The following DNA2 variants were observed in gnomAD, a reference collection of about 807,000 sequenced individuals.
DNA2 encodes DNA replication ATP-dependent helicase/nuclease DNA2.
In DNA2, 101 loss-of-function variants were observed where a neutral mutation model predicts 119.1. That is an observed-to-expected ratio of 0.85 (90% CI 0.72 to 1.00). The LOEUF (loss-of-function observed/expected upper bound fraction) is 1.00, where lower values mean the gene tolerates loss of function less well. Ranked by LOEUF, DNA2 falls within the 50% of genes least tolerant of loss-of-function variation. The pLI, the probability that DNA2 is intolerant of heterozygous loss-of-function variation, is 0.00. For missense variants in DNA2, 1,121 were observed against 1,255.5 expected (o/e 0.89, Z 1.62); for synonymous variants, 366 against 424.4 (o/e 0.86, Z 1.69).
chr10:68,469,103 AAGTT>A, intron 2 of DNA2, among the ~76,000 whole-genome samples: 1 of 152,156 alleles, frequency 6.6e-6, no homozygotes, highest in South Asian at 2.1e-4. Context: ...CGAAGAGTCA[AAGTT>A]AGACCTCTAG....
chr10:68,419,555 C>T, intron 18 of DNA2: 1 of 550,398 alleles, frequency 1.8e-6, no homozygotes. Flanking sequence ...CTAATCACTA[C>T]AACATAGTAT....
rs758012562 is a variant in DNA2, at chr10:68,446,305, C to T, written c.1048G>A (p.Asp350Asn). The change falls in exon 7 of 21, where the codon GAT becomes AAT. Residue 350 changes from aspartate (D) to asparagine (N), a missense_variant. By Grantham distance (23) the Asp-to-Asn change is conservative (BLOSUM62 1). Coordinates refer to ENST00000358410, the MANE Select transcript of DNA2 (RefSeq NM_001080449.3). ...QMYPVPANHL[D>N]KRELLKLRNQ... ...AAAAAAACGGCTCAACCTCTTTTAT[C>T]TAGATGGTTGGCAGGCACAGGGTAC... 6.4e-7 allele frequency: 1 copy of T among 1,573,904 alleles called. No homozygotes were observed. Among genetic ancestry groups the T allele is most frequent in the South Asian group, 1.2e-5 (1 of 83,942 alleles).
intron 5 of DNA2, among the ~76,000 whole-genome samples, chr10:68,456,881 T>C (rs1418151179): frequency 6.7e-6 from 1 of 149,920 alleles, no homozygotes; most frequent in Non-Finnish European, 1.5e-5. Context: ...ACGCCTGTAA[T>C]CCCAGCACTT....
At chr10:68,451,394 A>T (rs2133416271) in intron 5 of DNA2, among the ~76,000 whole-genome samples, 1 of 152,274 alleles carries the variant, frequency 6.6e-6, no homozygotes, top group East Asian at 1.9e-4. Flanking sequence ...GGAACATATA[A>T]ATGTTGAAGG....
chr10:68,456,334 C>G (rs755769567), intron 5 of DNA2, among the ~76,000 whole-genome samples: 1 of 152,156 alleles, frequency 6.6e-6, no homozygotes, highest in Non-Finnish European at 1.5e-5. Context: ...GGATTCACAT[C>G]CAGGCTCATT....
intron 5 of DNA2, among the ~76,000 whole-genome samples, chr10:68,455,712 T>TC (rs2052173468): frequency 6.6e-6 from 1 of 151,940 alleles, no homozygotes; most frequent in African/African-American, 2.4e-5. Context: ...TCCCAGCTAC[T>TC]CAGGGGGCTG....
chr10:68,436,648 T>C (rs1324221269), intron 10 of DNA2, among the ~76,000 whole-genome samples: 1 of 152,186 alleles, frequency 6.6e-6, no homozygotes, highest in Admixed American at 6.6e-5. Flanking sequence ...AACATGAAGA[T>C]GAATTTCAAA....
intron 19 of DNA2, 108 bp from the exon 20 acceptor site, chr10:68,416,963 G>A: frequency 1.0e-6 from 1 of 967,574 alleles, no homozygotes; most frequent in Non-Finnish European, 1.5e-6. Context: ...ATAGAATGAG[G>A]CCAGGTGTAG....
chr10:68,434,827 G>A (rs1001244617), intron 10 of DNA2, among the ~76,000 whole-genome samples: 4 of 152,138 alleles, frequency 2.6e-5, no homozygotes, highest in Non-Finnish European at 4.4e-5. Context: ...ACAAGGGGTG[G>A]TTATGACTCA....
intron 14 of DNA2, 92 bp downstream of exon 14, chr10:68,430,344 C>T: frequency 1.2e-6 from 1 of 868,776 alleles, no homozygotes; most frequent in Non-Finnish European, 1.8e-6. Flanking sequence ...CAAATCCAGT[C>T]AATGTGACTA....
chr10:68,425,858 G>A (rs972184865), intron 14 of DNA2, among the ~76,000 whole-genome samples: 11 of 151,736 alleles, frequency 7.2e-5, no homozygotes, highest in African/African-American at 2.4e-4. Flanking sequence ...TACCAGGCCA[G>A]GCGCTGTGTC....
At chr10:68,462,257 A>C (rs964462931) in intron 4 of DNA2, among the ~76,000 whole-genome samples, 2 of 152,114 alleles carry the variant, frequency 1.3e-5, no homozygotes, top group Non-Finnish European at 2.9e-5. Context: ...CTGTAATCCC[A>C]GCTACTCAGG....
intron 1 of DNA2, chr10:68,470,383 C>T (rs192247031): frequency 2.1e-6 from 1 of 485,326 alleles, no homozygotes; most frequent in Non-Finnish European, 3.6e-6. Context: ...TTCAAACATG[C>T]TCATGATATG....
At chr10:68,468,536 A>G (rs1194731118) in intron 2 of DNA2, among the ~76,000 whole-genome samples, 1 of 152,202 alleles carries the variant, frequency 6.6e-6, no homozygotes, top group Non-Finnish European at 1.5e-5. Context: ...AGAATACTCA[A>G]GGGTCTTCTA....
chr10:68,434,769 C>G (rs2051866363), intron 10 of DNA2, among the ~76,000 whole-genome samples: 1 of 152,178 alleles, frequency 6.6e-6, no homozygotes, highest in Non-Finnish European at 1.5e-5. Flanking sequence ...CAAATCCAAG[C>G]AGACAACTGG....
chr10:68,443,210 A>G (rs1278552071), intron 8 of DNA2, 99 bp from the exon 9 acceptor site: 1 of 1,020,468 alleles, frequency 9.8e-7, no homozygotes, highest in Non-Finnish European at 1.4e-6. Context: ...TATGATCATC[A>G]TCATAACTCA....
intron 9 of DNA2, among the ~76,000 whole-genome samples, chr10:68,440,619 A>T (rs943951267): frequency 3.3e-5 from 5 of 152,098 alleles, no homozygotes; most frequent in East Asian, 1.9e-4. Flanking sequence ...TTGTCTAAAA[A>T]AAAAAAAGTT....
At chr10:68,418,151 C>T (rs766980428) in intron 19 of DNA2, among the ~76,000 whole-genome samples, 2 of 152,154 alleles carry the variant, frequency 1.3e-5, no homozygotes, top group Admixed American at 6.6e-5. Context: ...CAGTGGCTCA[C>T]GCCTGGAATC....
intron 4 of DNA2, among the ~76,000 whole-genome samples, chr10:68,460,871 C>T (rs1376316010): frequency 6.6e-6 from 1 of 151,068 alleles, no homozygotes; most frequent in African/African-American, 2.4e-5. Flanking sequence ...GATCTCACCA[C>T]TGTACTCCAG....
Sources: allele counts gnomAD v4.1 joint callset (sites outside exome capture counted in the v4.1 genomes callset), GRCh38; gene constraint gnomAD v4.1.1; transcripts MANE v1.5; gene names NCBI Gene and HGNC (gene_info 2026-07-23, HGNC 2026-07-21).